The following DNAH14 variants were observed in gnomAD, a reference collection of about 807,000 sequenced individuals.
DNAH14 encodes the protein axonemal beta dynein heavy chain 14.
DNAH14 carries 478 observed loss-of-function variants against 520.9 expected under a neutral mutation model. The ratio of observed to expected loss-of-function variants is 0.92; its 90% CI spans 0.85 to 0.99. The LOEUF (loss-of-function observed/expected upper bound fraction) is 0.99, where lower values mean the gene tolerates loss of function less well. Ranked by LOEUF, DNAH14 falls within the 50% of genes least tolerant of loss-of-function variation. The pLI, the probability that DNAH14 is intolerant of heterozygous loss-of-function variation, is 0.00. For missense variants in DNAH14, 4,831 were observed against 5,234.5 expected (o/e 0.92, Z 2.38); for synonymous variants, 1,581 against 1,757.2 (o/e 0.90, Z 2.51).
intron 55 of DNAH14, among the ~76,000 whole-genome samples, chr1:225,292,835 C>T (rs2093922553): frequency 6.6e-6 from 1 of 151,910 alleles, no homozygotes; most frequent in Admixed American, 6.6e-5. Context: ...AATTTATTCC[C>T]AGGTATTTTA....
Position 225,043,018 on chromosome 1 carries a change from A to T in DNAH14, c.1672A>T (p.Lys558Ter). Reference sequence around the variant, plus strand: ...GTTTGAAGATGAAATGTCAGAAAATAAAGACAATTGTGTCAAAAAACACTC... The same window carrying T: ...GTTTGAAGATGAAATGTCAGAAAATTAAGACAATTGTGTCAAAAAACACTC... Reference protein sequence around the residue: ...VMFEDEMSENKDNCVKKHSSE... With the variant: ...VMFEDEMSEN Residue 558 changes from lysine (K) to a stop codon, truncating the protein, a stop_gained, in exon 13 of 86, where the codon AAA (lysine) becomes TAA (stop). Transcript: ENST00000682510. LOFTEE classifies it high-confidence loss of function. The T allele has an allele frequency of 6.4e-7, 1 of 1,551,868 alleles. No individual in the cohort carries two copies. Among genetic ancestry groups the T allele is most frequent in the Non-Finnish European group, 8.7e-7 (1 of 1,147,038 alleles).
chr1:225,245,986 A>G (rs2092258368), intron 43 of DNAH14, among the ~76,000 whole-genome samples: 1 of 152,096 alleles, frequency 6.6e-6, no homozygotes, highest in African/African-American at 2.4e-5. Context: ...CTACAAGGCT[A>G]CAGTAACCAA....
At chr1:225,057,144 T>C (rs554880406) in intron 17 of DNAH14, among the ~76,000 whole-genome samples, 2 of 152,366 alleles carry the variant, frequency 1.3e-5, no homozygotes, top group South Asian at 2.1e-4. Context: ...TTGCACGATA[T>C]TGATTCTTCC....
At chr1:225,051,910 G>C in intron 17 of DNAH14, 115 bp downstream of exon 17, 1 of 740,478 alleles carries the variant, frequency 1.4e-6, no homozygotes, top group East Asian at 3.0e-5. Context: ...GTATGATAAA[G>C]GTGAAAAAAT....
At chr1:224,974,938 G>A (rs374576062) in intron 8 of DNAH14, among the ~76,000 whole-genome samples, 38 of 152,050 alleles carry the variant, frequency 2.5e-4, no homozygotes, top group Non-Finnish European at 4.3e-4. Context: ...AGCATGAAGC[G>A]TTGTTGAATT....
intron 1 of DNAH14, among the ~76,000 whole-genome samples, chr1:224,931,598 A>G (rs1406717442): frequency 6.6e-6 from 1 of 152,138 alleles, no homozygotes; most frequent in Non-Finnish European, 1.5e-5. Flanking sequence ...CATCCTTCTC[A>G]GTCCGTGTTA....
At chr1:225,025,648 G>C (rs982371742) in intron 11 of DNAH14, among the ~76,000 whole-genome samples, 35 of 152,068 alleles carry the variant, frequency 2.3e-4, no homozygotes, top group Non-Finnish European at 8.8e-5. Flanking sequence ...CCAGCTCCTC[G>C]GGAGGCTGAG....
At chr1:225,086,666 A>G (rs1432133207) in intron 21 of DNAH14, among the ~76,000 whole-genome samples, 4 of 152,156 alleles carry the variant, frequency 2.6e-5, no homozygotes, top group Non-Finnish European at 5.9e-5. Context: ...TCAATAAATT[A>G]CAGAAAAAAA....
In DNAH14 at chr1:225,005,307, T is replaced by G. The variant is rs188453313; in HGVS notation, c.976-2106T>G. Among the ~76,000 whole-genome samples the G allele has an allele frequency of 5.5e-3, 842 of 152,294 alleles. 43 individuals carry two copies. The highest frequency in any genetic ancestry group is 0.049 in the Admixed American group (751 of 15,276). ...AGTGAGTGGTGCTGGTAATCTACAT[T>G]TTAAATCGGTTCCTCAGTTAACTGT... On this transcript the variant is annotated intron_variant, in intron 9 of 85. Coordinates refer to ENST00000682510, the MANE Select transcript of DNAH14 (RefSeq NM_001367479.1).
intron 21 of DNAH14, among the ~76,000 whole-genome samples, chr1:225,096,319 A>G (rs185374718): frequency 2.8e-4 from 43 of 152,230 alleles, no homozygotes; most frequent in Non-Finnish European, 5.3e-4. Flanking sequence ...TTTCTTGTGT[A>G]TCAGTGATAC....
chr1:225,276,354 G>A (rs1017389124), intron 53 of DNAH14, among the ~76,000 whole-genome samples: 10 of 152,116 alleles, frequency 6.6e-5, no homozygotes, highest in Admixed American at 2.0e-4. Flanking sequence ...TAAAGACAAG[G>A]TACACAACTG....
At chr1:225,272,198 C>T (rs1168967896) in intron 51 of DNAH14, 125 bp downstream of exon 51, 12 of 897,338 alleles carry the variant, frequency 1.3e-5, no homozygotes, top group South Asian at 1.1e-4. Context: ...TTGCTATTAG[C>T]AGCTTATCTC....
intron 27 of DNAH14, among the ~76,000 whole-genome samples, chr1:225,138,689 A>G (rs766002362): frequency 1.3e-5 from 2 of 152,028 alleles, no homozygotes; most frequent in Admixed American, 6.5e-5. Flanking sequence ...TGGGAAAAGC[A>G]TGGTTTCCCG....
chr1:224,958,762 C>T (rs907630565), intron 3 of DNAH14, among the ~76,000 whole-genome samples: 1 of 151,958 alleles, frequency 6.6e-6, no homozygotes, highest in African/African-American at 2.4e-5. Flanking sequence ...TAGACAGGGT[C>T]TTAATTCATG....
chr1:225,002,696 T>C, intron 8 of DNAH14, 87 bp from the exon 9 acceptor site: 2 of 1,230,886 alleles, frequency 1.6e-6, no homozygotes, highest in Non-Finnish European at 2.3e-6. Flanking sequence ...ACTATAAGGA[T>C]ATTAACTAAA....
rs2093293040 is a variant in DNAH14 at position 225,270,783 on chromosome 1, G to T, written c.7588G>T (p.Asp2530Tyr). 7 of 1,551,252 alleles carry T rather than the reference G, an allele frequency of 4.5e-6. No homozygotes were observed. Among genetic ancestry groups the T allele is most frequent in the Non-Finnish European group, 6.1e-6 (7 of 1,146,754 alleles). The change falls in exon 50 of 86, where the codon GAT becomes TAT. Residue 2530 changes from aspartate to tyrosine, a missense_variant. Asp to Tyr is a radical substitution (Grantham distance 160). Transcript: ENST00000682510. ...IVAACVPVVN[D>Y]ISPRLLKHFS... ...TGCAGCTTGTGTTCCAGTTGTGAAT[G>T]ATATCAGCCCACGTCTTCTCAAACA...
chr1:225,336,972 G>A (rs1002565086), intron 66 of DNAH14, among the ~76,000 whole-genome samples: 11 of 152,074 alleles, frequency 7.2e-5, no homozygotes, highest in South Asian at 2.1e-4. Flanking sequence ...TAGAGTCTAC[G>A]AGCCTTGGAA....
chr1:225,381,589 T>G lies in DNAH14; in HGVS notation c.13077+10T>G. On this transcript the variant is annotated intron_variant, in intron 81 of 85. Transcript: ENST00000682510. The stretch of plus-strand genomic sequence containing the variant: ...GCCTACATTGTGGCAGGTAAGCAAT[T>G]ATTATTATTTCCTATTTTCTTGCTT... 1 of 1,492,718 alleles carries G rather than the reference T, an allele frequency of 6.7e-7. No homozygotes were observed. The highest frequency in any genetic ancestry group is 2.5e-5 in the East Asian group (1 of 40,298). The allele number at this position is 1,492,718 out of a possible 1,614,324, so 92.5% of individuals were successfully genotyped here. A position where few individuals can be genotyped will look rare whatever the true frequency, so the allele number is the denominator to read the frequency against.
intron 4 of DNAH14, among the ~76,000 whole-genome samples, chr1:224,963,117 T>G (rs2060944305): frequency 6.6e-6 from 1 of 152,190 alleles, no homozygotes; most frequent in Non-Finnish European, 1.5e-5. Flanking sequence ...TTTGTTCATC[T>G]TTCTATCAAA....
Sources: gnomAD v4.1 joint callset for allele counts (sites outside exome capture counted in the v4.1 genomes callset) on GRCh38, gnomAD v4.1.1 for gene constraint, MANE v1.5 for transcripts, NCBI Gene and HGNC (gene_info 2026-07-23, HGNC 2026-07-21) for gene names.